Variants in SETD2 observed in about 807,000 individuals in gnomAD.
SETD2 encodes the protein SET domain containing 2, histone lysine methyltransferase.
SETD2 carries 31 observed loss-of-function variants against 242.1 expected under a neutral mutation model. The ratio of observed to expected loss-of-function variants is 0.13; its 90% CI spans 0.10 to 0.17. SETD2 has a LOEUF of 0.17. Among genes scored for constraint, SETD2 ranks in the 10% least tolerant of loss-of-function variants. The pLI, the probability that SETD2 is intolerant of heterozygous loss-of-function variation, is 1.00. For missense variants in SETD2, 2,481 were observed against 3,046.3 expected (o/e 0.81, Z 4.37); for synonymous variants, 1,006 against 1,066.5 (o/e 0.94, Z 1.11).
intron 8 of SETD2, among the ~76,000 whole-genome samples, chr3:47,099,002 T>C (rs1038437225): frequency 4.6e-5 from 7 of 152,114 alleles, no homozygotes; most frequent in African/African-American, 1.7e-4. Flanking sequence ...CAGAACCTGG[T>C]CTGCATTCAT....
intron 1 of SETD2, among the ~76,000 whole-genome samples, chr3:47,129,757 T>C (rs1356354612): frequency 6.6e-6 from 1 of 152,004 alleles, no homozygotes; most frequent in East Asian, 1.9e-4. Flanking sequence ...TGATGGCAAG[T>C]GCCTGTAATC....
intron 1 of SETD2, among the ~76,000 whole-genome samples, chr3:47,152,349 T>G (rs1295960214): frequency 6.6e-6 from 1 of 152,204 alleles, no homozygotes; most frequent in Admixed American, 6.5e-5. Context: ...ATTGATAAAT[T>G]AATGGAAGAG....
intron 1 of SETD2, among the ~76,000 whole-genome samples, chr3:47,161,578 A>G (rs1697489463): frequency 6.6e-6 from 1 of 152,158 alleles, no homozygotes; most frequent in South Asian, 2.1e-4. Context: ...TATTATGAAA[A>G]AAAGGAAAAA....
chr3:47,147,505 T>A (rs368419925), intron 1 of SETD2, among the ~76,000 whole-genome samples: 1 of 150,170 alleles, frequency 6.7e-6, no homozygotes, highest in Non-Finnish European at 1.5e-5. Flanking sequence ...GTATTTTTAG[T>A]AGAGACAGGG....
At chr3:47,115,413 CTA>C (rs2042814710) in intron 4 of SETD2, among the ~76,000 whole-genome samples, 1 of 152,194 alleles carries the variant, frequency 6.6e-6, no homozygotes, top group Admixed American at 6.5e-5. Flanking sequence ...AATGCTAACT[CTA>C]TGTCTTCTCT....
intron 14 of SETD2, among the ~76,000 whole-genome samples, chr3:47,059,284 T>C (rs2107582826): frequency 6.6e-6 from 1 of 150,842 alleles, no homozygotes; most frequent in South Asian, 2.1e-4. Context: ...GCCTGGCTAA[T>C]TTTTGTATTC....
chr3:47,106,206 A>T (rs2107697703), intron 5 of SETD2, 86 bp from the exon 6 acceptor site: 1 of 1,157,218 alleles, frequency 8.6e-7, no homozygotes. Flanking sequence ...AAGGAATTTA[A>T]ATAAATACTG....
Position 47,084,035 on chromosome 3 carries a change from G to A in SETD2, c.5745C>T (p.Val1915=), listed in dbSNP as rs752285206. The part of the protein sequence containing the change: ...GKEDLDQLEN[V]PVEEEEELQS... ...GCAATTCTTCCTCTTCCTCTACAGG[G>A]ACATTTTCTAATTGATCAAGATCCT... Residue 1915 remains valine (V), a synonymous_variant, in exon 12 of 21, where the codon GTC becomes GTT. Coordinates refer to ENST00000409792, the MANE Select transcript of SETD2 (RefSeq NM_014159.7). 1 of 1,614,126 alleles carries A rather than the reference G, an allele frequency of 6.2e-7. No individual in the cohort carries two copies. Among genetic ancestry groups the A allele is most frequent in the Non-Finnish European group, 8.5e-7 (1 of 1,180,018 alleles).
Position 47,095,522 on chromosome 3 carries a change from CAA to C in SETD2, c.5142+2431_5142+2432del, listed in dbSNP as rs534318435. ...CTGGTAAACCATGAATTATATGAAA[CAA>C]GAGTTAACAACAAAAGCAATCTAAT... On this transcript the variant is annotated intron_variant, in intron 9 of 20. Coordinates refer to ENST00000409792, the MANE Select transcript of SETD2 (RefSeq NM_014159.7). Among the ~76,000 whole-genome samples the C allele has an allele frequency of 1.7e-3, 253 of 152,136 alleles. 2 individuals carry two copies. Among genetic ancestry groups the C allele is most frequent in the African/African-American group, 5.4e-3 (225 of 41,522 alleles).
chr3:47,110,584 T>C (rs1425493935), intron 5 of SETD2, among the ~76,000 whole-genome samples: 3 of 152,200 alleles, frequency 2.0e-5, no homozygotes, highest in Non-Finnish European at 1.5e-5. Flanking sequence ...TAACACTAAC[T>C]AGTAACTTAG....
At position 47,084,262 on chromosome 3, in the gene SETD2, C is replaced by T. The variant is rs1219340540; in HGVS notation, c.5518G>A (p.Gly1840Arg). ...GTATTCTCACTAGAATACCCATCTC[C>T]TTCACTCAACGGAGGGACAGCAGTC... ...TKTAVPPLSEGDGYSSENTSR... is the reference protein window; with the variant it reads ...TKTAVPPLSERDGYSSENTSR... Residue 1840 changes from glycine to arginine, a missense_variant, in exon 12 of 21, where the codon GGA becomes AGA. Coordinates refer to ENST00000409792, the MANE Select transcript of SETD2 (RefSeq NM_014159.7). The T allele has an allele frequency of 6.2e-7, 1 of 1,614,082 alleles. No individual in the cohort carries two copies. Among genetic ancestry groups the T allele is most frequent in the East Asian group, 2.2e-5 (1 of 44,876 alleles).
chr3:47,024,636 AGCAAGACCCC>A (rs2038390899), intron 18 of SETD2, among the ~76,000 whole-genome samples: 1 of 152,224 alleles, frequency 6.6e-6, no homozygotes, highest in Non-Finnish European at 1.5e-5. Flanking sequence ...TGGGCGACAG[AGCAAGACCCC>A]GTTTGAAAAA....
At chr3:47,080,456 G>A (rs1001572652) in intron 12 of SETD2, among the ~76,000 whole-genome samples, 1 of 152,024 alleles carries the variant, frequency 6.6e-6, no homozygotes. Flanking sequence ...CAAGTTCACA[G>A]GAACCTTACC....
chr3:47,082,063 A>T (rs1425988395), intron 12 of SETD2, among the ~76,000 whole-genome samples: 1 of 152,188 alleles, frequency 6.6e-6, no homozygotes, highest in African/African-American at 2.4e-5. Flanking sequence ...GTAGGACTCA[A>T]ATGTGTGTCC....
chr3:47,052,942 T>C (rs1363146649), intron 15 of SETD2, among the ~76,000 whole-genome samples: 1 of 151,950 alleles, frequency 6.6e-6, no homozygotes, highest in African/African-American at 2.4e-5. Context: ...CAGGCTAGAG[T>C]GCAATGGCGC....
chr3:47,057,087 C>T lies in SETD2; in HGVS notation c.6697G>A (p.Val2233Met). 6 of 1,614,212 alleles carry T rather than the reference C, an allele frequency of 3.7e-6. No individual in the cohort carries two copies. The South Asian group carries it at 6.6e-5, about 18-fold the overall frequency. ...ACATACTGGGAACTGGAAACTTCCA[C>T]AGGAGCTGCCACATGTGGCACCACT... ...VPVVPHVAAP[V>M]EVSSSQYVAQ... Residue 2233 changes from valine (V) to methionine (M), a missense_variant, in exon 15 of 21, where the codon GTG becomes ATG. Around this residue, in one of 17 missense-constraint regions of SETD2, gnomAD observed 235 missense variants for 293.9 expected, o/e 0.80. Transcript: ENST00000409792.
chr3:47,128,403 C>T (rs745901210), intron 1 of SETD2, among the ~76,000 whole-genome samples: 11 of 152,178 alleles, frequency 7.2e-5, no homozygotes, highest in Non-Finnish European at 1.3e-4. Flanking sequence ...GACATGACAG[C>T]GAGATTTGTA....
intron 11 of SETD2, among the ~76,000 whole-genome samples, chr3:47,084,677 C>T (rs376919567): frequency 6.6e-6 from 1 of 151,894 alleles, no homozygotes; most frequent in African/African-American, 2.4e-5. Flanking sequence ...CCACCCACCT[C>T]GGCCTCCCAA....
At chr3:47,127,753 C>T (rs1244739696) in intron 1 of SETD2, among the ~76,000 whole-genome samples, 2 of 152,082 alleles carry the variant, frequency 1.3e-5, no homozygotes, top group East Asian at 1.9e-4. Flanking sequence ...CCCAGCTACT[C>T]GGGAGGCTGA....
Sources: allele counts gnomAD v4.1 joint callset (sites outside exome capture counted in the v4.1 genomes callset), GRCh38; gene constraint gnomAD v4.1.1; regional missense constraint gnomAD v4.1.1; transcripts MANE v1.5; gene names NCBI Gene and HGNC (gene_info 2026-07-23, HGNC 2026-07-21).